Variants in SMC1B observed in about 807,000 individuals in gnomAD.
SMC1B encodes structural maintenance of chromosomes protein 1B.
A neutral mutation model predicts 157.9 loss-of-function variants in SMC1B; 60 were observed. That is an observed-to-expected ratio of 0.38 (90% CI 0.31 to 0.47). The LOEUF (loss-of-function observed/expected upper bound fraction) is 0.47, where lower values mean the gene tolerates loss of function less well. Among genes scored for constraint, SMC1B ranks in the 20% least tolerant of loss-of-function variants. The pLI is 0.99. For missense variants in SMC1B, 1,165 were observed against 1,426.2 expected (o/e 0.82, Z 2.95); for synonymous variants, 445 against 483.0 (o/e 0.92, Z 1.03).
At chr22:45,391,108 G>C (rs1484169427) in intron 9 of SMC1B, among the ~76,000 whole-genome samples, 1 of 150,894 alleles carries the variant, frequency 6.6e-6, no homozygotes, top group Non-Finnish European at 1.5e-5. Context: ...ATGTTGCCCA[G>C]GCTGGTCTCA....
chr22:45,365,689 G>T (rs1278809655), intron 15 of SMC1B, among the ~76,000 whole-genome samples: 2 of 152,166 alleles, frequency 1.3e-5, no homozygotes, highest in Admixed American at 1.3e-4. Flanking sequence ...TGGGTTGACA[G>T]AGTGAGACCC....
At chr22:45,378,511 G>A (rs566436634) in intron 12 of SMC1B, among the ~76,000 whole-genome samples, 7 of 152,156 alleles carry the variant, frequency 4.6e-5, no homozygotes, top group South Asian at 2.1e-4. Flanking sequence ...TTAATGCTAC[G>A]AAATAGATGT....
At position 45,409,542 on chromosome 22, in the gene SMC1B, G is replaced by A. The variant is rs144633687; in HGVS notation, c.110-644C>T. 1.1e-4 allele frequency among the ~76,000 whole-genome samples: 17 copies of A among 151,650 alleles called. No homozygotes were observed. In the East Asian group the frequency reaches 3.3e-3, roughly 29 times the overall value. ...ATTGCACCACTGCACTCCAGCCTGGGCAACGAGGAGAGACTCCAACTCTAA... is the reference window on the plus strand; with the variant it reads ...ATTGCACCACTGCACTCCAGCCTGGACAACGAGGAGAGACTCCAACTCTAA... On this transcript the variant is annotated intron_variant, in intron 1 of 24. Transcript: ENST00000357450.
At chr22:45,365,965 C>A (rs764730924) in intron 15 of SMC1B, among the ~76,000 whole-genome samples, 3 of 152,116 alleles carry the variant, frequency 2.0e-5, no homozygotes, top group Admixed American at 1.3e-4. Context: ...CTCCACAAAT[C>A]TATCAATCCA....
intron 16 of SMC1B, among the ~76,000 whole-genome samples, chr22:45,362,387 C>T (rs1002860541): frequency 6.6e-6 from 1 of 152,170 alleles, no homozygotes; most frequent in Non-Finnish European, 1.5e-5. Context: ...TTTGACTCTC[C>T]TCATAAGCTA....
At chr22:45,365,960 C>A (rs1569180486) in intron 15 of SMC1B, among the ~76,000 whole-genome samples, 2 of 152,128 alleles carry the variant, frequency 1.3e-5, no homozygotes, top group South Asian at 2.1e-4. Flanking sequence ...CAATTCTCCA[C>A]AAATCTATCA....
chr22:45,365,253 C>T (rs1425020247), intron 15 of SMC1B, among the ~76,000 whole-genome samples: 1 of 152,148 alleles, frequency 6.6e-6, no homozygotes, highest in African/African-American at 2.4e-5. Context: ...GCCTGGGCCT[C>T]GCCTTTGAAC....
chr22:45,401,741 C>A (rs2087196774), intron 5 of SMC1B, among the ~76,000 whole-genome samples: 1 of 152,242 alleles, frequency 6.6e-6, no homozygotes, highest in Non-Finnish European at 1.5e-5. Context: ...CCTCTCTCTG[C>A]ATGAGAAAGC....
intron 11 of SMC1B, among the ~76,000 whole-genome samples, chr22:45,386,491 C>A (rs1387804358): frequency 6.6e-6 from 1 of 151,974 alleles, no homozygotes; most frequent in African/African-American, 2.4e-5. Flanking sequence ...GAAGAATTAG[C>A]CCACATTGTA....
Position 45,386,993 on chromosome 22 carries a change from A to C in SMC1B, c.1785T>G (p.Ile595Met), listed in dbSNP as rs1022704146. 3.1e-6 allele frequency: 5 copies of C among 1,613,972 alleles called. No homozygotes were observed. Among genetic ancestry groups the C allele is most frequent in the South Asian group, 2.2e-5 (2 of 91,082 alleles). Residue 595 changes from isoleucine (I) to methionine (M), a missense_variant, in exon 11 of 25, where the codon ATT (isoleucine) becomes ATG (methionine). Ile to Met is a conservative substitution (Grantham distance 10, BLOSUM62 1). Coordinates refer to ENST00000357450, the MANE Select transcript of SMC1B (RefSeq NM_148674.5). ...GAGGAAACTGAGTCTTTATGACATC[A>C]ATCACCATTTTACAGCCTTTAAGCT... is the stretch of plus-strand genomic sequence containing the variant. Reference protein sequence around the residue: ...LRELKGCKMVIDVIKTQFPQL... With the variant: ...LRELKGCKMVMDVIKTQFPQL...
At chr22:45,368,478 T>G (rs1275860511) in intron 15 of SMC1B, among the ~76,000 whole-genome samples, 1 of 152,048 alleles carries the variant, frequency 6.6e-6, no homozygotes, top group Admixed American at 6.6e-5. Flanking sequence ...GTTCCTTTCA[T>G]AAAAAGATGC....
At chr22:45,361,441 T>C (rs138801375) in intron 17 of SMC1B, among the ~76,000 whole-genome samples, 2,691 of 147,226 alleles carry the variant, frequency 0.018, 77 homozygotes, top group African/African-American at 0.06. Context: ...GGTAAAACCC[T>C]GTCTCTACTA....
intron 16 of SMC1B, 36 bp from the exon 17 acceptor site, chr22:45,362,020 C>A (rs1314050379): frequency 1.3e-6 from 2 of 1,586,550 alleles, no homozygotes; most frequent in East Asian, 2.2e-5. Flanking sequence ...GATTTACTAT[C>A]TTTTATATTA....
In SMC1B at chr22:45,359,888, G is replaced by C. The variant is rs777102135; in HGVS notation, c.2779C>G (p.His927Asp). The C allele has an allele frequency of 1.2e-6, 2 of 1,613,960 alleles. No individual in the cohort carries two copies. Among genetic ancestry groups the C allele is most frequent in the South Asian group, 2.2e-5 (2 of 91,074 alleles). Reference sequence around the variant, plus strand: ...ACTTTGCAATCAAGCAGCAAGTTATGCTTCTCTAATCGTTTCTGTTCCAGA... The same window carrying C: ...ACTTTGCAATCAAGCAGCAAGTTATCCTTCTCTAATCGTTTCTGTTCCAGA... ...TSLEQKRLEK[H>D]NLLLDCKVQD... Residue 927 changes from histidine to aspartate, a missense_variant, in exon 18 of 25, where the codon CAT (histidine) becomes GAT (aspartate). His to Asp is a moderately conservative substitution (Grantham distance 81). Coordinates refer to ENST00000357450, the MANE Select transcript of SMC1B (RefSeq NM_148674.5).
In SMC1B at chr22:45,358,922, G is replaced by T. The variant is rs1171160517; in HGVS notation, c.2863-127C>A. 11 of 509,192 alleles carry T rather than the reference G, an allele frequency of 2.2e-5. No homozygotes were observed. In the East Asian group the frequency reaches 3.2e-4, roughly 15 times the overall value. The allele number at this position is 509,192 out of a possible 1,614,324, so 31.5% of individuals were successfully genotyped here. ...ATCAGTTATATAGATCACCTTAACA[G>T]ACATATAATAATAAAAAAGTTTGAA... On this transcript the variant is annotated intron_variant, in intron 18 of 24. Transcript: ENST00000357450.
At chr22:45,357,024 C>A (rs541500024) in intron 19 of SMC1B, among the ~76,000 whole-genome samples, 1 of 152,172 alleles carries the variant, frequency 6.6e-6, no homozygotes, top group Non-Finnish European at 1.5e-5. Context: ...TGAGCCACCA[C>A]GCCCGGCCTG....
chr22:45,392,417 T>TA (rs2087070625), intron 9 of SMC1B, among the ~76,000 whole-genome samples: 2 of 151,760 alleles, frequency 1.3e-5, no homozygotes, highest in Non-Finnish European at 2.9e-5. Context: ...TTTTTTTTTT[T>TA]AAATCCTAGA....
At chr22:45,384,452 A>G (rs991511866) in intron 11 of SMC1B, among the ~76,000 whole-genome samples, 5 of 152,164 alleles carry the variant, frequency 3.3e-5, no homozygotes, top group African/African-American at 1.2e-4. Context: ...TTCCCAGGCC[A>G]GGAGTGGTGG....
intron 1 of SMC1B, among the ~76,000 whole-genome samples, chr22:45,410,519 A>G (rs1327302301): frequency 6.6e-6 from 1 of 152,078 alleles, no homozygotes; most frequent in African/African-American, 2.4e-5. Context: ...CCTGACCAAC[A>G]TGGTGAAACC....
Sources: gnomAD v4.1 joint callset for allele counts (sites outside exome capture counted in the v4.1 genomes callset) on GRCh38, gnomAD v4.1.1 for gene constraint, MANE v1.5 for transcripts, NCBI Gene and HGNC (gene_info 2026-07-23, HGNC 2026-07-21) for gene names.